Variants in RASGRP3 observed in about 807,000 individuals in gnomAD.
RASGRP3 encodes RAS guanyl releasing protein 3.
RASGRP3 carries 54 observed loss-of-function variants against 82.7 expected under a neutral mutation model. That is an observed-to-expected ratio of 0.65 (90% confidence interval 0.52 to 0.82). RASGRP3 has a LOEUF of 0.82. RASGRP3 is among the 40% of genes least tolerant of loss of function. RASGRP3 has a pLI of 0.00. For missense variants in RASGRP3, 861 were observed against 828.9 expected (o/e 1.04, Z -0.48); for synonymous variants, 309 against 300.5 (o/e 1.03, Z -0.29).
intron 1 of RASGRP3, chr2:33,481,228 C>T (rs1667865490): frequency 6.6e-6 from 1 of 152,358 alleles, no homozygotes; most frequent in Non-Finnish European, 1.5e-5. Flanking sequence ...GTGGCACGAT[C>T]TCGGCTCACT....
At chr2:33,511,052 C>T (rs1413238602) in intron 1 of RASGRP3, among the ~76,000 whole-genome samples, 2 of 152,162 alleles carry the variant, frequency 1.3e-5, no homozygotes, top group African/African-American at 4.8e-5. Context: ...TGAAATCACA[C>T]CCAACAAAAC....
At chr2:33,502,276 A>G (rs1465337043) in intron 1 of RASGRP3, among the ~76,000 whole-genome samples, 1 of 152,000 alleles carries the variant, frequency 6.6e-6, no homozygotes, top group Non-Finnish European at 1.5e-5. Context: ...GAAGAAAGGC[A>G]TGGTGCTGTT....
At chr2:33,472,910 T>C (rs1459183470), upstream of RASGRP3, among the ~76,000 whole-genome samples, 1 of 150,418 alleles carries the variant, frequency 6.6e-6, no homozygotes, top group Non-Finnish European at 1.5e-5. Context: ...CGGTTGCCTT[T>C]GGTCTTTGGG....
intron 1 of RASGRP3, among the ~76,000 whole-genome samples, chr2:33,487,763 G>A (rs1228400888): frequency 6.6e-6 from 1 of 152,100 alleles, no homozygotes; most frequent in Non-Finnish European, 1.5e-5. Flanking sequence ...ACAAAACTTT[G>A]AGACTCAGAG....
At chr2:33,562,062 A>G (rs951171102) in intron 17 of RASGRP3, among the ~76,000 whole-genome samples, 1 of 152,200 alleles carries the variant, frequency 6.6e-6, no homozygotes, top group African/African-American at 2.4e-5. Flanking sequence ...ACATATGTAC[A>G]TATACATATG....
chr2:33,525,128 T>G (rs1163804303), intron 9 of RASGRP3, among the ~76,000 whole-genome samples: 6 of 149,138 alleles, frequency 4.0e-5, no homozygotes, highest in African/African-American at 1.5e-4. Context: ...CATATTGTAG[T>G]GGTAAATATT....
chr2:33,562,084 A>AT (rs1440084206), intron 17 of RASGRP3, among the ~76,000 whole-genome samples: 1 of 152,046 alleles, frequency 6.6e-6, no homozygotes, highest in Admixed American at 6.6e-5. Context: ...AGATTTACAG[A>AT]TTTTCTCAGT....
intron 1 of RASGRP3, among the ~76,000 whole-genome samples, chr2:33,440,007 TA>T (rs1665140286): frequency 1.3e-5 from 2 of 151,870 alleles, no homozygotes; most frequent in Admixed American, 1.3e-4. Flanking sequence ...TGGGTATGGT[TA>T]TAGGAGGAGA....
At chr2:33,468,079 G>A (rs1666830066) in intron 2 of RASGRP3, among the ~76,000 whole-genome samples, 1 of 126,902 alleles carries the variant, frequency 7.9e-6, no homozygotes, top group African/African-American at 2.9e-5. Context: ...TTTTCTCTTT[G>A]TGTAGATGAT....
At chr2:33,491,043 C>T (rs114616823) in intron 1 of RASGRP3, among the ~76,000 whole-genome samples, 2,606 of 152,266 alleles carry the variant, frequency 0.017, 34 homozygotes, top group Non-Finnish European at 0.023. Context: ...AGAGCAGGCA[C>T]GGTGGTTCAT....
At chr2:33,551,652 T>C (rs1370399239) in intron 14 of RASGRP3, among the ~76,000 whole-genome samples, 1 of 149,804 alleles carries the variant, frequency 6.7e-6, no homozygotes, top group African/African-American at 2.5e-5. Flanking sequence ...GCCTGGGCAA[T>C]ATAAAGAGAC....
In RASGRP3 at chr2:33,543,468, C is replaced by G; in HGVS notation, c.1279-44C>G. On this transcript the variant is annotated intron_variant, in intron 12 of 17. Coordinates refer to ENST00000403687, the MANE Select transcript of RASGRP3 (RefSeq NM_001139488.2). ...TGCTTTTGCAATAACAAGTTCAGAG[C>G]CTGCCTTATAGTCATTCAATAAATA... The G allele has an allele frequency of 3.2e-6, 4 of 1,262,302 alleles. No individual in the cohort carries two copies. The South Asian group carries it at 4.0e-5, about 13-fold the overall frequency. The allele number at this position is 1,262,302 out of a possible 1,614,324, so 78.2% of individuals were successfully genotyped here. A position where few individuals can be genotyped will look rare whatever the true frequency, so the allele number is the denominator to read the frequency against.
intron 1 of RASGRP3, among the ~76,000 whole-genome samples, chr2:33,446,107 T>G (rs906848080): frequency 1.2e-4 from 18 of 152,208 alleles, no homozygotes; most frequent in Non-Finnish European, 2.4e-4. Flanking sequence ...GCTGTTAATG[T>G]GTAGCCATTC....
chr2:33,515,845 T>G (rs1410378863), intron 3 of RASGRP3, among the ~76,000 whole-genome samples: 1 of 152,238 alleles, frequency 6.6e-6, no homozygotes, highest in Non-Finnish European at 1.5e-5. Flanking sequence ...TTGATTACTA[T>G]AGAAACCAGA....
intron 11 of RASGRP3, among the ~76,000 whole-genome samples, chr2:33,534,850 A>T (rs1673451578): frequency 6.6e-6 from 1 of 151,888 alleles, no homozygotes; most frequent in South Asian, 2.1e-4. Flanking sequence ...CATTATTCCC[A>T]TTTTATCAAT....
rs1038904472 is a variant in RASGRP3, at chr2:33,564,579, T to C, written c.*1842T>C. 64 of 152,210 alleles carry C rather than the reference T, an allele frequency of 4.2e-4. No homozygotes were observed. Among genetic ancestry groups the C allele is most frequent in the African/African-American group, 1.5e-3 (63 of 41,466 alleles). The allele number at this position is 152,210 out of a possible 1,614,324, so 9.4% of individuals were successfully genotyped here. On this transcript the variant is annotated 3_prime_UTR_variant, in exon 18 of 18. Coordinates refer to ENST00000403687, the MANE Select transcript of RASGRP3 (RefSeq NM_001139488.2). ...TCAGGAAGAAACGTGTTAATAAACATTGTACTGTTCTTTTGCTTCTCAAAG... is the reference window on the plus strand; with the variant it reads ...TCAGGAAGAAACGTGTTAATAAACACTGTACTGTTCTTTTGCTTCTCAAAG...
chr2:33,548,969 A>G (rs1369021811), intron 13 of RASGRP3, among the ~76,000 whole-genome samples: 1 of 152,116 alleles, frequency 6.6e-6, no homozygotes, highest in Non-Finnish European at 1.5e-5. Flanking sequence ...GATTACAGGC[A>G]TGAGCCACCG....
At chr2:33,458,556 A>G (rs1196227699) in intron 2 of RASGRP3, among the ~76,000 whole-genome samples, 1 of 152,228 alleles carries the variant, frequency 6.6e-6, no homozygotes, top group African/African-American at 2.4e-5. Context: ...GTAAAATTCC[A>G]TACCAGGAGG....
rs1184350879 is a variant in RASGRP3, at chr2:33,527,200, T to C, written c.871T>C (p.Phe291Leu). 3 of 1,613,914 alleles carry C rather than the reference T, an allele frequency of 1.9e-6. No homozygotes were observed. Among genetic ancestry groups the C allele is most frequent in the Non-Finnish European group, 2.5e-6 (3 of 1,179,886 alleles). ...NGNYCNYRKA[F>L]ADCDGFKIPI... ...CAATTACTGCAATTACCGCAAGGCC[T>C]TTGCCGACTGCGATGGCTTCAAAAT... The change falls in exon 10 of 18, where the codon TTT becomes CTT. Residue 291 changes from phenylalanine to leucine, a missense_variant. Coordinates refer to ENST00000403687, the MANE Select transcript of RASGRP3 (RefSeq NM_001139488.2).
Sources: gnomAD v4.1 joint callset for allele counts (sites outside exome capture counted in the v4.1 genomes callset) on GRCh38, gnomAD v4.1.1 for gene constraint, MANE v1.5 for transcripts, NCBI Gene and HGNC (gene_info 2026-07-23, HGNC 2026-07-21) for gene names.